The following CAP2 variants were observed in gnomAD, a reference collection of about 807,000 sequenced individuals.
CAP2 encodes adenylyl cyclase-associated protein 2.
CAP2 carries 24 observed loss-of-function variants against 57.7 expected under a neutral mutation model. The ratio of observed to expected loss-of-function variants is 0.42; its 90% confidence interval spans 0.30 to 0.58. CAP2 has a LOEUF of 0.58. CAP2 is among the 20% of genes least tolerant of loss of function. The pLI is 0.22. For synonymous variants in CAP2, 194 were observed against 207.2 expected, an observed-to-expected ratio of 0.94 and a Z score of 0.55; for missense variants, 501 against 590.3, an observed-to-expected ratio of 0.85 and a Z score of 1.57.
intron 4 of CAP2, among the ~76,000 whole-genome samples, chr6:17,489,401 C>T (rs752160041): frequency 5.9e-5 from 9 of 152,182 alleles, no homozygotes; most frequent in Non-Finnish European, 1.2e-4. Flanking sequence ...TACTGCACTC[C>T]AGCCTGGGCA....
chr6:17,464,580 T>C (rs1234171859), intron 4 of CAP2, among the ~76,000 whole-genome samples: 2 of 152,324 alleles, frequency 1.3e-5, no homozygotes, highest in Non-Finnish European at 2.9e-5. Context: ...TTCATTGGTC[T>C]GAGGAGTGGC....
intron 4 of CAP2, among the ~76,000 whole-genome samples, chr6:17,471,994 C>G (rs570296647): frequency 6.6e-6 from 1 of 152,258 alleles, no homozygotes; most frequent in Admixed American, 6.5e-5. Context: ...TCCAAATTAC[C>G]TCGATAGTCT....
chr6:17,539,812 G>A (rs550856770), intron 8 of CAP2, among the ~76,000 whole-genome samples: 6 of 152,228 alleles, frequency 3.9e-5, no homozygotes, highest in Admixed American at 3.3e-4. Flanking sequence ...GGGCATGGTG[G>A]CTCACACCTG....
chr6:17,457,966 T>C (rs530140541), intron 3 of CAP2, among the ~76,000 whole-genome samples: 1 of 152,372 alleles, frequency 6.6e-6, no homozygotes, highest in East Asian at 1.9e-4. Context: ...AGGCTTGTCA[T>C]AGATGAGGAC....
At chr6:17,432,209 T>G (rs1010397008) in intron 3 of CAP2, among the ~76,000 whole-genome samples, 1 of 152,234 alleles carries the variant, frequency 6.6e-6, no homozygotes, top group Non-Finnish European at 1.5e-5. Flanking sequence ...TCTTGTATTC[T>G]TTCAATTCTT....
chr6:17,421,414 C>A (rs1759442298), intron 1 of CAP2, 141 bp from the exon 2 acceptor site: 2 of 857,092 alleles, frequency 2.3e-6, no homozygotes, highest in South Asian at 1.7e-5. Context: ...ATAATACATA[C>A]AATTTCATGG....
rs115376040 is a variant in CAP2, at chr6:17,412,545, T to C, written c.-1-9010T>C. On this transcript the variant is annotated intron_variant, in intron 1 of 12. Coordinates refer to ENST00000229922, the MANE Select transcript of CAP2 (RefSeq NM_006366.3). ...TCCCCAGAGTTCTTTTTCCACTACA[T>C]TAAGTTATGAGTCCTAGCCTTTTAT... is the stretch of plus-strand genomic sequence containing the variant. Among the ~76,000 whole-genome samples, 1,345 of 152,216 alleles carry C rather than the reference T, an allele frequency of 8.8e-3. 12 individuals carry two copies. The highest frequency in any genetic ancestry group is 0.029 in the African/African-American group (1,217 of 41,538).
At chr6:17,536,417 A>G (rs1762775551) in intron 7 of CAP2, 14 of 406,018 alleles carry the variant, frequency 3.4e-5, no homozygotes, top group South Asian at 2.6e-4. Context: ...TGGGGCCGAT[A>G]TGGGAATAAG....
chr6:17,410,554 C>T (rs934110986), intron 1 of CAP2, among the ~76,000 whole-genome samples: 2 of 151,886 alleles, frequency 1.3e-5, no homozygotes, highest in African/African-American at 4.8e-5. Context: ...ATGAGAACAG[C>T]AAAGTTACTC....
At chr6:17,499,470 G>A (rs1761746630) in intron 4 of CAP2, among the ~76,000 whole-genome samples, 1 of 150,788 alleles carries the variant, frequency 6.6e-6, no homozygotes, top group Admixed American at 6.6e-5. Context: ...GAGATACCAC[G>A]ACAACGTAAC....
chr6:17,411,689 G>C (rs1314652859), intron 1 of CAP2, among the ~76,000 whole-genome samples: 1 of 152,160 alleles, frequency 6.6e-6, no homozygotes. Context: ...TGGATACAAG[G>C]GGAGTAACAC....
intron 1 of CAP2, among the ~76,000 whole-genome samples, chr6:17,415,779 T>C (rs376464886): frequency 6.6e-6 from 1 of 152,214 alleles, no homozygotes; most frequent in African/African-American, 2.4e-5. Flanking sequence ...AGATGCAAAA[T>C]AGGTAATCCA....
At chr6:17,465,342 G>A (rs934740484) in intron 4 of CAP2, among the ~76,000 whole-genome samples, 1 of 152,074 alleles carries the variant, frequency 6.6e-6, no homozygotes. Context: ...GGCATGAACC[G>A]CTGTGCCTGG....
At chr6:17,479,597 CT>C (rs1424169059) in intron 4 of CAP2, among the ~76,000 whole-genome samples, 2 of 148,476 alleles carry the variant, frequency 1.3e-5, no homozygotes, top group African/African-American at 5.1e-5. Flanking sequence ...AGAAAAAGAT[CT>C]GCTTTTTAAT....
At chr6:17,424,038 A>G (rs1759513771) in intron 2 of CAP2, among the ~76,000 whole-genome samples, 1 of 152,204 alleles carries the variant, frequency 6.6e-6, no homozygotes, top group Admixed American at 6.5e-5. Context: ...TTTACCTTAC[A>G]TGTAAACATC....
chr6:17,463,309 A>G (rs1245991060), intron 4 of CAP2, among the ~76,000 whole-genome samples: 4 of 152,040 alleles, frequency 2.6e-5, no homozygotes, highest in African/African-American at 9.7e-5. Context: ...AAAAAAAAGA[A>G]AGAAAAAAAG....
rs528205096 is a variant in CAP2, at chr6:17,428,708, G to A, written c.222+2018G>A. 2.0e-5 allele frequency among the ~76,000 whole-genome samples: 3 copies of A among 151,680 alleles called. No homozygotes were observed. The East Asian group carries it at 5.8e-4, about 30-fold the overall frequency. ...GTTAGTGGGTGCAGCGCACCAGCATGGCACATGTATACATATGTAACTAAC... is the reference window on the plus strand; with the variant it reads ...GTTAGTGGGTGCAGCGCACCAGCATAGCACATGTATACATATGTAACTAAC... On this transcript the variant is annotated intron_variant, in intron 3 of 12. Transcript: ENST00000229922.
chr6:17,527,801 G>A (rs1254389409), intron 7 of CAP2, among the ~76,000 whole-genome samples: 1 of 151,902 alleles, frequency 6.6e-6, no homozygotes, highest in East Asian at 1.9e-4. Flanking sequence ...CACCATGTTG[G>A]CCTGTTGGCC....
chr6:17,485,793 C>A (rs1375911383), intron 4 of CAP2, among the ~76,000 whole-genome samples: 1 of 152,184 alleles, frequency 6.6e-6, no homozygotes, highest in Non-Finnish European at 1.5e-5. Context: ...TGCATAAGAA[C>A]CTTCTACAGA....
Sources: allele counts gnomAD v4.1 joint callset (sites outside exome capture counted in the v4.1 genomes callset), GRCh38; gene constraint gnomAD v4.1.1; transcripts MANE v1.5; gene names NCBI Gene and HGNC (gene_info 2026-07-23, HGNC 2026-07-21).